CNOT9: variants seen among roughly 807,000 people sequenced by gnomAD.
CNOT9 encodes CCR4-NOT transcription complex subunit 9.
In CNOT9, 8 loss-of-function variants were observed where a neutral mutation model predicts 37.4. The observed-to-expected ratio is 0.21, with a 90% CI of 0.13 to 0.39. The LOEUF (loss-of-function observed/expected upper bound fraction) is 0.39. CNOT9 is among the 10% of genes least tolerant of loss of function. The pLI is 1.00. For synonymous variants in CNOT9, 120 were observed against 137.6 expected (o/e 0.87, Z 0.90); for missense variants, 154 against 365.3 (o/e 0.42, Z 4.71).
chr2:218,583,003 A>G lies in CNOT9; in HGVS notation c.237A>G (p.Pro79=), dbSNP rs373221395. Reference sequence around the variant, plus strand: ...TAAATATTTATCCATCTATCAACCCACCCACCTTGACAGCACACCAGTCTA... The same window carrying G: ...TAAATATTTATCCATCTATCAACCCGCCCACCTTGACAGCACACCAGTCTA... The part of the protein sequence containing the change: ...EIVNIYPSIN[P]PTLTAHQSNR... The change falls in exon 3 of 8, where the codon CCA becomes CCG. Residue 79 remains proline, a synonymous_variant. Coordinates refer to ENST00000273064, the MANE Select transcript of CNOT9 (RefSeq NM_005444.3). 3.6e-5 allele frequency: 58 copies of G among 1,612,970 alleles called. No homozygotes were observed. The East Asian group carries it at 6.9e-4, about 19-fold the overall frequency.
chr2:218,577,776 A>T (rs3755041), intron 1 of CNOT9, among the ~76,000 whole-genome samples: 45,585 of 152,098 alleles, frequency 0.3, 7,908 homozygotes, highest in Non-Finnish European at 0.39. Flanking sequence ...GAGTTTACTG[A>T]TGGTGGTATC....
intron 1 of CNOT9, among the ~76,000 whole-genome samples, chr2:218,569,336 G>A (rs1282618575): frequency 8.5e-5 from 13 of 152,184 alleles, no homozygotes; most frequent in Admixed American, 8.5e-4. Flanking sequence ...TCAATCTGAC[G>A]CGGCCCCTGC....
At chr2:218,594,058 G>C (rs377183336) in intron 7 of CNOT9, 50 bp from the exon 8 acceptor site, 3 of 1,581,938 alleles carry the variant, frequency 1.9e-6, no homozygotes, top group Non-Finnish European at 2.6e-6. Flanking sequence ...TCCACAAAAT[G>C]TGGGTTTATT....
At chr2:218,589,359 G>C (rs1413436317) in intron 5 of CNOT9, 1 of 152,034 alleles carries the variant, frequency 6.6e-6, no homozygotes, top group Non-Finnish European at 1.5e-5. Context: ...TATTTATTTA[G>C]AGACAGGATC....
chr2:218,577,690 AACCAGTGGTT>A (rs1161642277), intron 1 of CNOT9, among the ~76,000 whole-genome samples: 2 of 152,192 alleles, frequency 1.3e-5, no homozygotes, highest in Non-Finnish European at 2.9e-5. Context: ...ATGGTATGCA[AACCAGTGGTT>A]ACCAGGGCAA....
In CNOT9 at chr2:218,595,709, G is replaced by T. The variant is rs1410693472; in HGVS notation, c.*1433G>T. 3 of 151,108 alleles carry T rather than the reference G, an allele frequency of 2.0e-5. No homozygotes were observed. The highest frequency in any genetic ancestry group is 4.9e-5 in the African/African-American group (2 of 41,088). 9.4% of individuals were successfully genotyped at this position (151,108 alleles called of 1,614,324 possible). A position where few individuals can be genotyped will look rare whatever the true frequency, so the allele number is the denominator to read the frequency against. ...TCTGCCCACATCTCACACAATTGAGGTGTCTGAACAAGCTTGGGGAGGGTC... is the reference window on the plus strand; with the variant it reads ...TCTGCCCACATCTCACACAATTGAGTTGTCTGAACAAGCTTGGGGAGGGTC... On this transcript the variant is annotated 3_prime_UTR_variant, in exon 8 of 8. Transcript: ENST00000273064.
chr2:218,582,640 A>G (rs1694431421), intron 2 of CNOT9, among the ~76,000 whole-genome samples: 2 of 152,262 alleles, frequency 1.3e-5, no homozygotes, highest in South Asian at 4.1e-4. Context: ...CAGTGAGTCA[A>G]GATCGTGCCA....
chr2:218,577,255 G>A (rs1272472720), intron 1 of CNOT9, among the ~76,000 whole-genome samples: 1 of 152,116 alleles, frequency 6.6e-6, no homozygotes, highest in Admixed American at 6.6e-5. Context: ...CCCATGACAG[G>A]TGGGTATTCA....
chr2:218,586,004 T>A (rs1393117613), intron 4 of CNOT9, among the ~76,000 whole-genome samples: 1 of 152,166 alleles, frequency 6.6e-6, no homozygotes, highest in African/African-American at 2.4e-5. Flanking sequence ...TATAAATCTT[T>A]AAAAATATAT....
Position 218,596,524 on chromosome 2 carries a change from C to T in CNOT9, c.*2248C>T, listed in dbSNP as rs563868286. 1 of 149,960 alleles carries T rather than the reference C, an allele frequency of 6.7e-6. No individual in the cohort carries two copies. Among genetic ancestry groups the T allele is most frequent in the South Asian group, 2.1e-4 (1 of 4,822 alleles). The allele number at this position is 149,960 out of a possible 1,614,324, so 9.3% of individuals were successfully genotyped here. ...TCCTTGTCATGCCTGCTTCTCCCCT[C>T]TGTCTACCTACACAACACACACACA... On this transcript the variant is annotated 3_prime_UTR_variant, in exon 8 of 8. Coordinates refer to ENST00000273064, the MANE Select transcript of CNOT9 (RefSeq NM_005444.3).
intron 3 of CNOT9, among the ~76,000 whole-genome samples, chr2:218,584,371 A>T (rs1694519554): frequency 6.6e-6 from 1 of 152,220 alleles, no homozygotes; most frequent in African/African-American, 2.4e-5. Flanking sequence ...ATAGTGCTTC[A>T]TAATCCTGAG....
chr2:218,582,845 T>C, intron 2 of CNOT9, 126 bp from the exon 3 acceptor site: 1 of 622,338 alleles, frequency 1.6e-6, no homozygotes. Flanking sequence ...CTTTGATGAC[T>C]GAGTTCTTAA....
rs572163532 is a variant in CNOT9, at chr2:218,584,591, G to T, written c.321-21G>T. 8.3e-6 allele frequency: 13 copies of T among 1,559,544 alleles called. No homozygotes were observed. The Admixed American group carries it at 1.8e-4, about 22-fold the overall frequency. ...TAGAAATCAACCCTGGGCTGTGAATGTAATTATTGTTTTCTTCCAGGTCAG... is the reference window on the plus strand; with the variant it reads ...TAGAAATCAACCCTGGGCTGTGAATTTAATTATTGTTTTCTTCCAGGTCAG... On this transcript the variant is annotated intron_variant, in intron 3 of 7. Transcript: ENST00000273064.
intron 5 of CNOT9, among the ~76,000 whole-genome samples, chr2:218,591,244 G>T (rs613539): frequency 0.47 from 70,632 of 151,892 alleles, 19,555 homozygotes; most frequent in East Asian, 0.78. Context: ...GAGCAGCCAA[G>T]AAAGAGTATC....
chr2:218,571,078 T>C (rs1324908435), intron 1 of CNOT9, among the ~76,000 whole-genome samples: 3 of 152,190 alleles, frequency 2.0e-5, no homozygotes, highest in Non-Finnish European at 4.4e-5. Context: ...ATGATGCATA[T>C]CACTCACTGG....
Position 218,592,627 on chromosome 2 carries a change from C to T in CNOT9, c.651C>T (p.Val217=), listed in dbSNP as rs192118392. 394 of 1,614,102 alleles carry T rather than the reference C, an allele frequency of 2.4e-4. 1 individual carries two copies. The highest frequency in any genetic ancestry group is 5.2e-4 in the Admixed American group (31 of 60,008). The change falls in exon 7 of 8, where the codon GTC becomes GTT. Residue 217 remains valine, a synonymous_variant. Transcript: ENST00000273064. This position sits in a 1 kb window ranked among gnomAD's most constrained non-coding sequence, Gnocchi z 4.1. ...TTTGGGGGAAACAGGGTAAGATGGT[C>T]CTGCAGCTATCCAAAGAGCCTTCTG... The part of the protein sequence containing the change: ...SHVAMILGKM[V]LQLSKEPSAR...
intron 3 of CNOT9, 139 bp downstream of exon 3, chr2:218,583,225 GTGTGTGTGTCTCTCTCTCTC>G (rs1229164526): frequency 5.1e-4 from 163 of 322,714 alleles, no homozygotes; most frequent in African/African-American, 2.9e-3. Context: ...GTGTGTGTGT[GTGTGTGTGTCTCTCTCTCTC>G]TCTCTCTCTC....
chr2:218,582,665 G>T (rs71415844), intron 2 of CNOT9, among the ~76,000 whole-genome samples: 1 of 151,790 alleles, frequency 6.6e-6, no homozygotes, highest in Non-Finnish European at 1.5e-5. Context: ...ACTCCAGCCC[G>T]GGTAACAGAG....
At chr2:218,575,533 G>A (rs1234315807) in intron 1 of CNOT9, among the ~76,000 whole-genome samples, 1 of 148,900 alleles carries the variant, frequency 6.7e-6, no homozygotes, top group Non-Finnish European at 1.5e-5. Flanking sequence ...CTCCCAAGTA[G>A]CTGGGACTAC....
Sources: allele counts gnomAD v4.1 joint callset (sites outside exome capture counted in the v4.1 genomes callset), GRCh38; gene constraint gnomAD v4.1.1; non-coding constraint Gnocchi (gnomAD v3.1); transcripts MANE v1.5; gene names NCBI Gene and HGNC (gene_info 2026-07-23, HGNC 2026-07-21).